Variants in CABP1 observed in about 807,000 individuals in gnomAD.
CABP1 encodes calcium-binding protein 1.
Under a neutral mutation model 34.3 loss-of-function variants are expected in CABP1, and 17 were observed. The observed-to-expected ratio is 0.50, with a 90% CI of 0.34 to 0.74. The LOEUF is 0.74. Ranked by LOEUF, CABP1 falls within the 30% of genes least tolerant of loss-of-function variation. The pLI is 0.01. For missense variants in CABP1, 373 were observed against 511.1 expected (o/e 0.73, Z 2.61); for synonymous variants, 198 against 229.2 (o/e 0.86, Z 1.23).
At chr12:120,679,946 C>T in the CABP1 span, among the ~76,000 whole-genome samples, 1 of 152,094 alleles carries the variant, frequency 6.6e-6, no homozygotes, top group Non-Finnish European at 1.5e-5. Flanking sequence ...CTGAGGTGGG[C>T]GGATCACTTG....
chr12:120,678,964 T>G, the CABP1 span, among the ~76,000 whole-genome samples: 1 of 150,230 alleles, frequency 6.7e-6, no homozygotes, highest in Non-Finnish European at 1.5e-5. Context: ...TCGCAGCTAC[T>G]TGGGAGGCTG....
intron 1 of CABP1, among the ~76,000 whole-genome samples, chr12:120,644,510 T>C (rs979085250): frequency 6.6e-6 from 1 of 152,144 alleles, no homozygotes; most frequent in Non-Finnish European, 1.5e-5. Flanking sequence ...AGAGGCATGA[T>C]GACATGGGGC....
At chr12:120,674,493 T>A in the CABP1 span, among the ~76,000 whole-genome samples, 1 of 152,144 alleles carries the variant, frequency 6.6e-6, no homozygotes, top group Admixed American at 6.5e-5. Flanking sequence ...TCCCTGGAGG[T>A]GCCTGCTGCT....
rs1879346232 is a variant in CABP1, at chr12:120,641,824, A to G, written c.654+485A>G. 6.6e-6 allele frequency among the ~76,000 whole-genome samples: 1 copy of G among 152,224 alleles called. No individual in the cohort carries two copies. The highest frequency in any genetic ancestry group is 2.4e-5 in the African/African-American group (1 of 41,460). On this transcript the variant is annotated intron_variant, in intron 1 of 5. Transcript: ENST00000316803. This position sits in a 1 kb window ranked among gnomAD's most constrained non-coding sequence, Gnocchi z 6.7. Reference sequence around the variant, plus strand: ...CGAGGGACACTGGCCACTGCCTATCATGTCCCTGAAGGCCTGAGAAAAGTT... The same window carrying G: ...CGAGGGACACTGGCCACTGCCTATCGTGTCCCTGAAGGCCTGAGAAAAGTT...
chr12:120,675,093 C>T, the CABP1 span, among the ~76,000 whole-genome samples: 2 of 152,012 alleles, frequency 1.3e-5, no homozygotes, highest in African/African-American at 4.8e-5. Context: ...CACTCTGTCA[C>T]TCCTGCTGGA....
At position 120,660,876 on chromosome 12, in the gene CABP1, T is replaced by C. The variant is rs767540812; in HGVS notation, c.939+36T>C. 2.0e-6 allele frequency: 3 copies of C among 1,507,420 alleles called. No individual in the cohort carries two copies. The African/African-American group carries it at 4.1e-5, about 21-fold the overall frequency. 93.4% of individuals were successfully genotyped at this position (1,507,420 alleles called of 1,614,324 possible). ...GAGGCAGGCAGGCATGGGGCGGCTA[T>C]TGGAATCCTATCTGCAGTATAAATA... On this transcript the variant is annotated intron_variant, in intron 4 of 5. Transcript: ENST00000316803. This position sits in a 1 kb window ranked among gnomAD's most constrained non-coding sequence, Gnocchi z 5.0.
chr12:120,640,801 C>T lies in CABP1; in HGVS notation c.116C>T (p.Ala39Val). Reference protein sequence around the residue: ...EPRSLPAGGPAPRRTAPPPPG... With the variant: ...EPRSLPAGGPVPRRTAPPPPG... The stretch of plus-strand genomic sequence containing the variant: ...CGTTCTCTGCCCGCCGGGGGCCCCG[C>T]GCCGCGCCGCACCGCGCCGCCCCCG... The change falls in exon 1 of 6, where the codon GCG becomes GTG. Residue 39 changes from alanine to valine, a missense_variant. Transcript: ENST00000316803. The surrounding 1 kb of genome is among the most constrained non-coding windows in gnomAD (Gnocchi z 6.2). 1 of 1,104,364 alleles carries T rather than the reference C, an allele frequency of 9.1e-7. No individual in the cohort carries two copies. The highest frequency in any genetic ancestry group is 1.1e-6 in the Non-Finnish European group (1 of 908,058). 68.4% of individuals were successfully genotyped at this position (1,104,364 alleles called of 1,614,324 possible).
intron 5 of CABP1, among the ~76,000 whole-genome samples, chr12:120,662,721 G>A (rs11065195): frequency 7.5e-6 from 1 of 133,762 alleles, no homozygotes; most frequent in Non-Finnish European, 1.5e-5. Flanking sequence ...TCTCGCTCTT[G>A]TACTCCAGGC....
the CABP1 span, among the ~76,000 whole-genome samples, chr12:120,674,615 C>T: frequency 4.6e-5 from 7 of 152,154 alleles, 1 homozygote; most frequent in African/African-American, 1.4e-4. Context: ...TTTGGCAGGG[C>T]GGGGTAGCCA....
chr12:120,680,154 C>T, the CABP1 span, among the ~76,000 whole-genome samples: 8 of 152,212 alleles, frequency 5.3e-5, no homozygotes, highest in Non-Finnish European at 1.0e-4. Context: ...ACCTGGGCAA[C>T]AGAGTAAGAC....
At chr12:120,642,287 T>A (rs1697848233) in intron 1 of CABP1, among the ~76,000 whole-genome samples, 1 of 151,796 alleles carries the variant, frequency 6.6e-6, no homozygotes, top group South Asian at 2.1e-4. Flanking sequence ...GTTTGCGTGG[T>A]TTGTAGGGAA....
chr12:120,650,322 C>T lies in CABP1; in HGVS notation c.654+8983C>T, dbSNP rs773603959. 122 of 460,070 alleles carry T rather than the reference C, an allele frequency of 2.7e-4. 1 individual carries two copies. Among genetic ancestry groups the T allele is most frequent in the Non-Finnish European group, 4.8e-5 (13 of 269,916 alleles). 28.5% of individuals were successfully genotyped at this position (460,070 alleles called of 1,614,324 possible). Reference sequence around the variant, plus strand: ...CTCCAGCTTGGTTCCCCTCTGCCATCAGCTCTCCAGGTGACTTTCCCTGTG... The same window carrying T: ...CTCCAGCTTGGTTCCCCTCTGCCATTAGCTCTCCAGGTGACTTTCCCTGTG... On this transcript the variant is annotated intron_variant, in intron 1 of 5. Transcript: ENST00000316803.
chr12:120,658,107 T>C (rs926249293), intron 1 of CABP1, among the ~76,000 whole-genome samples: 1 of 148,870 alleles, frequency 6.7e-6, no homozygotes, highest in Non-Finnish European at 1.5e-5. Context: ...TTTTTTTTTT[T>C]TTTTGAGACA....
At position 120,660,445 on chromosome 12, in the gene CABP1, C is replaced by G; in HGVS notation, c.829+106C>G. The G allele has an allele frequency of 7.7e-7, 1 of 1,298,146 alleles. No homozygotes were observed. The highest frequency in any genetic ancestry group is 1.1e-6 in the Non-Finnish European group (1 of 947,452). The allele number at this position is 1,298,146 out of a possible 1,614,324, so 80.4% of individuals were successfully genotyped here. On this transcript the variant is annotated intron_variant, in intron 3 of 5. Transcript: ENST00000316803. The surrounding 1 kb of genome is among the most constrained non-coding windows in gnomAD (Gnocchi z 5.0). ...ATTCTGCATCCACCTCTTACCAGCT[C>G]TGTGATCTGGGGCCAACCACTTACC...
At position 120,661,067 on chromosome 12, in the gene CABP1, C is replaced by T. The variant is rs976153016; in HGVS notation, c.940-4C>T. 1.9e-6 allele frequency: 3 copies of T among 1,611,150 alleles called. No homozygotes were observed. The highest frequency in any genetic ancestry group is 2.2e-5 in the South Asian group (2 of 90,910). The stretch of plus-strand genomic sequence containing the variant: ...GACCTCTCCTTCCTTCCTGCCTTCT[C>T]TAGTTTGACACCAATGGTGATGGGG... On this transcript the variant is annotated splice_polypyrimidine_tract_variant and splice_region_variant and intron_variant, in intron 4 of 5. Transcript: ENST00000316803. The surrounding 1 kb of genome is among the most constrained non-coding windows in gnomAD (Gnocchi z 5.1).
intron 1 of CABP1, among the ~76,000 whole-genome samples, chr12:120,653,064 C>T (rs1565996771): frequency 6.6e-6 from 1 of 152,176 alleles, no homozygotes; most frequent in Admixed American, 6.5e-5. Context: ...TCAAGAGATG[C>T]AGTGGAAATT....
chr12:120,677,792 A>G, the CABP1 span, among the ~76,000 whole-genome samples: 1 of 152,202 alleles, frequency 6.6e-6, no homozygotes, highest in African/African-American at 2.4e-5. Context: ...ACCAAGGTGC[A>G]GAAGGGAAAT....
the CABP1 span, among the ~76,000 whole-genome samples, chr12:120,672,492 C>T: frequency 6.0e-5 from 9 of 149,730 alleles, no homozygotes; most frequent in Non-Finnish European, 1.2e-4. Context: ...ATTAGCCAGG[C>T]GTGGTAGCAC....
intron 5 of CABP1, among the ~76,000 whole-genome samples, chr12:120,665,301 C>T (rs1331744408): frequency 1.3e-5 from 2 of 151,984 alleles, no homozygotes; most frequent in East Asian, 3.9e-4. Context: ...TGGCGCATGC[C>T]TGTAGTCCCA....
Sources: allele counts gnomAD v4.1 joint callset (sites outside exome capture counted in the v4.1 genomes callset), GRCh38; gene constraint gnomAD v4.1.1; non-coding constraint Gnocchi (gnomAD v3.1); transcripts MANE v1.5; gene names NCBI Gene and HGNC (gene_info 2026-07-23, HGNC 2026-07-21).